The following CEP112 variants were observed in gnomAD, a reference collection of about 807,000 sequenced individuals.
CEP112 encodes the protein centrosomal protein of 112 kDa.
Under a neutral mutation model 153.0 loss-of-function variants are expected in CEP112, and 127 were observed. That is an observed-to-expected ratio of 0.83 (90% CI 0.72 to 0.96). The LOEUF is 0.96. Among genes scored for constraint, CEP112 ranks in the 40% least tolerant of loss-of-function variants. The pLI is 0.00. For synonymous variants in CEP112, 358 were observed against 374.4 expected (o/e 0.96, Z 0.51); for missense variants, 1,089 against 1,101.2 (o/e 0.99, Z 0.16).
At position 65,640,995 on chromosome 17, in the gene CEP112, A is replaced by C. The variant is rs1194508339; in HGVS notation, c.2768T>G (p.Leu923Arg). The C allele has an allele frequency of 1.2e-6, 2 of 1,609,612 alleles. No homozygotes were observed. Among genetic ancestry groups the C allele is most frequent in the Non-Finnish European group, 1.7e-6 (2 of 1,176,136 alleles). Reference protein sequence around the residue: ...GLMPASLRQELEDTISSLKSQ... With the variant: ...GLMPASLRQEREDTISSLKSQ... ...TTTTAGGGAGGAAATGGTGTCTTCA[A>C]GTTCTTGTCTTAGGGATGCTGGCAT... The change falls in exon 25 of 27, where the codon CTT (leucine) becomes CGT (arginine). Residue 923 changes from leucine (L) to arginine (R), a missense_variant. Transcript: ENST00000535342.
intron 6 of CEP112, among the ~76,000 whole-genome samples, chr17:66,097,873 C>G (rs953061817): frequency 6.6e-6 from 1 of 152,212 alleles, no homozygotes; most frequent in African/African-American, 2.4e-5. Flanking sequence ...CCACAAATTA[C>G]TACATGGATA....
At chr17:65,778,122 G>A (rs749936434) in intron 21 of CEP112, among the ~76,000 whole-genome samples, 3 of 152,134 alleles carry the variant, frequency 2.0e-5, no homozygotes, top group Non-Finnish European at 2.9e-5. Context: ...GGTACTCAAG[G>A]TCCTTCGTGA....
intron 6 of CEP112, among the ~76,000 whole-genome samples, chr17:66,119,084 A>G (rs1160386058): frequency 1.3e-5 from 2 of 152,156 alleles, no homozygotes; most frequent in African/African-American, 4.8e-5. Context: ...TCAGCAAACT[A>G]ATGCAGGAAC....
intron 18 of CEP112, among the ~76,000 whole-genome samples, chr17:65,937,345 CG>C (rs1281630619): frequency 8.7e-6 from 1 of 115,096 alleles, no homozygotes; most frequent in East Asian, 4.8e-4. Context: ...CGCCTCTTCC[CG>C]GCCGCCATCC....
At chr17:65,857,461 C>A (rs1372684886) in intron 20 of CEP112, among the ~76,000 whole-genome samples, 1 of 152,088 alleles carries the variant, frequency 6.6e-6, no homozygotes, top group Non-Finnish European at 1.5e-5. Flanking sequence ...GCTTGCTAAC[C>A]GAACTCCTGA....
chr17:66,012,284 T>G (rs1006753919), intron 16 of CEP112, among the ~76,000 whole-genome samples: 1 of 152,194 alleles, frequency 6.6e-6, no homozygotes, highest in African/African-American at 2.4e-5. Flanking sequence ...TGTTAGCTGG[T>G]TATTATGCAG....
In CEP112 at chr17:65,984,531, C is replaced by T. The variant is rs147569054; in HGVS notation, c.1736+21159G>A. Among the ~76,000 whole-genome samples the T allele has an allele frequency of 1.4e-3, 210 of 151,860 alleles. 1 individual carries two copies. Among genetic ancestry groups the T allele is most frequent in the Admixed American group, 3.3e-3 (51 of 15,236 alleles). On this transcript the variant is annotated intron_variant, in intron 17 of 26. Transcript: ENST00000535342. ...GAAAGCCTGAACCTGAACAGAAGACCGACAAAACAGACAAGAAAAAAAGCA... is the reference window on the plus strand; with the variant it reads ...GAAAGCCTGAACCTGAACAGAAGACTGACAAAACAGACAAGAAAAAAAGCA...
At chr17:66,088,876 C>T (rs1177627635) in intron 8 of CEP112, among the ~76,000 whole-genome samples, 1 of 152,148 alleles carries the variant, frequency 6.6e-6, no homozygotes, top group Non-Finnish European at 1.5e-5. Context: ...AGAACCAGGT[C>T]CATCCCAGAA....
chr17:66,186,237 C>CT (rs2072928992), intron 1 of CEP112, among the ~76,000 whole-genome samples: 1 of 152,176 alleles, frequency 6.6e-6, no homozygotes. Context: ...TTTCTCATCT[C>CT]TGTCATCTTG....
chr17:65,907,143 A>G (rs2060112638), intron 19 of CEP112, among the ~76,000 whole-genome samples: 1 of 152,196 alleles, frequency 6.6e-6, no homozygotes, highest in Admixed American at 6.5e-5. Context: ...CAGAAAACAC[A>G]TGACTAGAAC....
Position 66,133,641 on chromosome 17 carries a change from G to A in CEP112, c.471-878C>T, listed in dbSNP as rs566232411. On this transcript the variant is annotated intron_variant, in intron 4 of 26. Transcript: ENST00000535342. Reference sequence around the variant, plus strand: ...ATGATTTTATTCAAACCACTTCAATGCAAGTCCCATGATTATGAACACCTA... The same window carrying A: ...ATGATTTTATTCAAACCACTTCAATACAAGTCCCATGATTATGAACACCTA... Among the ~76,000 whole-genome samples the A allele has an allele frequency of 2.6e-5, 4 of 152,176 alleles. No individual in the cohort carries two copies. In the South Asian group the frequency reaches 8.3e-4, roughly 32 times the overall value.
intron 4 of CEP112, among the ~76,000 whole-genome samples, chr17:66,138,264 G>A (rs1292710779): frequency 6.6e-6 from 1 of 152,184 alleles, no homozygotes; most frequent in African/African-American, 2.4e-5. Context: ...CAGGAAGCAG[G>A]TGGTTGGTCA....
intron 24 of CEP112, among the ~76,000 whole-genome samples, chr17:65,687,918 T>A (rs1374582143): frequency 6.6e-6 from 1 of 152,196 alleles, no homozygotes; most frequent in Non-Finnish European, 1.5e-5. Context: ...ACTGTTTCTG[T>A]ACATAATGGA....
intron 21 of CEP112, among the ~76,000 whole-genome samples, chr17:65,779,201 T>C: frequency 6.6e-6 from 1 of 152,286 alleles, no homozygotes; most frequent in South Asian, 2.1e-4. Context: ...TACTAAACAA[T>C]AAAATCTTAC....
chr17:65,787,722 T>A (rs555925193), intron 21 of CEP112, among the ~76,000 whole-genome samples: 3 of 152,248 alleles, frequency 2.0e-5, no homozygotes, highest in Non-Finnish European at 2.9e-5. Flanking sequence ...GTTAGCAGAA[T>A]CATTTTTTAA....
intron 17 of CEP112, among the ~76,000 whole-genome samples, chr17:65,995,311 GACAAA>G (rs2063745228): frequency 1.3e-5 from 2 of 152,108 alleles, no homozygotes; most frequent in South Asian, 4.2e-4. Context: ...CAAAATGTTG[GACAAA>G]GGAGAATGAT....
rs1373914102 is a variant in CEP112 at position 65,894,738 on chromosome 17, CCTT to C, written c.2163+7411_2163+7413del. Among the ~76,000 whole-genome samples, 11 of 152,126 alleles carry C rather than the reference CCTT, an allele frequency of 7.2e-5. No individual in the cohort carries two copies. The South Asian group carries it at 1.5e-3, about 20-fold the overall frequency. ...TTGGTGGATTCTTACTCTGGGCACT[CCTT>C]CTTATTTCAGCAATAATGTGAAACC... On this transcript the variant is annotated intron_variant, in intron 20 of 26. Transcript: ENST00000535342.
intron 16 of CEP112, among the ~76,000 whole-genome samples, chr17:66,022,524 T>C (rs1449978062): frequency 1.3e-5 from 2 of 151,758 alleles, no homozygotes; most frequent in Non-Finnish European, 2.9e-5. Context: ...CTAGCTAACA[T>C]GGTGAAACCC....
At position 65,848,468 on chromosome 17, in the gene CEP112, CCTT is replaced by C. The variant is rs141907329; in HGVS notation, c.2394+3333_2394+3335del. Among the ~76,000 whole-genome samples the C allele has an allele frequency of 5.7e-3, 862 of 152,200 alleles. 5 individuals are homozygous for C. Among genetic ancestry groups the C allele is most frequent in the African/African-American group, 0.02 (829 of 41,520 alleles). On this transcript the variant is annotated intron_variant, in intron 21 of 26. Coordinates refer to ENST00000535342, the MANE Select transcript of CEP112 (RefSeq NM_001199165.4). ...CTCATGTTCCTTCTACCTTCGTGAC[CCTT>C]CTTCAACTGTTTCCTCCCTGGCCTC...
Sources: gnomAD v4.1 joint callset for allele counts (sites outside exome capture counted in the v4.1 genomes callset) on GRCh38, gnomAD v4.1.1 for gene constraint, MANE v1.5 for transcripts, NCBI Gene and HGNC (gene_info 2026-07-23, HGNC 2026-07-21) for gene names.